The following DMD variants were observed in gnomAD, a reference collection of about 807,000 sequenced individuals.
DMD encodes the protein mutant dystrophin.
A neutral mutation model predicts 330.1 loss-of-function variants in DMD; 63 were observed. That is an observed-to-expected ratio of 0.19 (90% confidence interval 0.16 to 0.24). The LOEUF is 0.24. DMD is among the 10% of genes least tolerant of loss of function. The pLI is 1.00. For missense variants in DMD, 3,344 were observed against 2,684.1 expected, an observed-to-expected ratio of 1.25 and a Z score of -5.43; for synonymous variants, 1,223 against 959.8, an observed-to-expected ratio of 1.27 and a Z score of -5.07.
chrX:32,407,311 T>G lies in DMD; in HGVS notation c.4233+4441A>C, dbSNP rs762890545. On this transcript the variant is annotated intron_variant, in intron 30 of 78. Coordinates refer to ENST00000357033, the MANE Select transcript of DMD (RefSeq NM_004006.3). ...GCAAACAACCCCATCAACAAGTGGG[T>G]GAAGGATATGAACAGACACTTCTCA... Among the ~76,000 whole-genome samples the G allele has an allele frequency of 4.5e-5, 5 of 111,034 alleles. No individual in the cohort carries two copies. The South Asian group carries it at 1.5e-3, about 34-fold the overall frequency.
chrX:32,726,209 T>TC (rs1390701245), intron 7 of DMD, among the ~76,000 whole-genome samples: 2 of 111,503 alleles, frequency 1.8e-5, no homozygotes, highest in African/African-American at 6.5e-5. Flanking sequence ...TGAACAAATG[T>TC]CATTTTCTCT....
At chrX:32,554,583 C>T (rs1047991087) in intron 16 of DMD, among the ~76,000 whole-genome samples, 5 of 109,137 alleles carry the variant, frequency 4.6e-5, no homozygotes, top group African/African-American at 1.7e-4. Flanking sequence ...AAATGAATTG[C>T]TGAATAGATC....
rs1322750025 is a variant in DMD at position 32,844,873 on chromosome X, CAA to C, written c.187-15_187-14del. 4.2e-6 allele frequency: 5 copies of C among 1,189,056 alleles called. No homozygotes were observed. Among genetic ancestry groups the C allele is most frequent in the Middle Eastern group, 2.3e-4 (1 of 4,297 alleles). ...CTTTTTCTTTTGGCTGAGAACAAAACAAAAGAGTGTTCACTGACCAGCAGAGA... is the reference window on the plus strand; with the variant it reads ...CTTTTTCTTTTGGCTGAGAACAAAACAAGAGTGTTCACTGACCAGCAGAGA... On this transcript the variant is annotated splice_polypyrimidine_tract_variant and intron_variant, in intron 3 of 78. Transcript: ENST00000357033.
At chrX:32,857,921 T>C (rs758130033) in intron 2 of DMD, among the ~76,000 whole-genome samples, 1 of 110,382 alleles carries the variant, frequency 9.1e-6, no homozygotes, top group Non-Finnish European at 1.9e-5. Context: ...AAACTGGAGG[T>C]AACCAAAATG....
intron 59 of DMD, among the ~76,000 whole-genome samples, chrX:31,456,357 G>A (rs780593865): frequency 3.3e-4 from 37 of 112,002 alleles, no homozygotes; most frequent in Non-Finnish European, 5.6e-4. Flanking sequence ...TAGGTAATAA[G>A]TTCATCCATG....
At chrX:32,726,603 A>T (rs760785331) in intron 7 of DMD, among the ~76,000 whole-genome samples, 1 of 111,641 alleles carries the variant, frequency 9.0e-6, no homozygotes, top group Admixed American at 9.5e-5. Flanking sequence ...AACCAGTAAG[A>T]TAAAATTTAA....
intron 44 of DMD, among the ~76,000 whole-genome samples, chrX:32,088,804 A>C (rs375117617): frequency 9.1e-6 from 1 of 110,462 alleles, no homozygotes; most frequent in Non-Finnish European, 1.9e-5. Flanking sequence ...CTTTCCTTTT[A>C]CTACAGAGAA....
At chrX:31,677,844 C>G (rs1354191012) in intron 53 of DMD, among the ~76,000 whole-genome samples, 1 of 112,265 alleles carries the variant, frequency 8.9e-6, no homozygotes, top group African/African-American at 3.2e-5. Flanking sequence ...GCTAAAAGCT[C>G]ACTAATTCCA....
chrX:31,223,830 A>AT (rs1245165624), intron 63 of DMD, among the ~76,000 whole-genome samples: 1 of 112,429 alleles, frequency 8.9e-6, no homozygotes, highest in Non-Finnish European at 1.9e-5. Context: ...CATTTTGAGT[A>AT]TTTTTTATCC....
chrX:33,062,379 AT>A (rs201445716), intron 1 of DMD, among the ~76,000 whole-genome samples: 5,142 of 112,196 alleles, frequency 0.046, 277 homozygotes, highest in African/African-American at 0.15. Context: ...CACTTTGTGC[AT>A]TTAACTCTCA....
rs961970689 is a variant in DMD at position 32,389,530 on chromosome X, C to T, written c.4489G>A (p.Val1497Ile). 8.3e-7 allele frequency: 1 copy of T among 1,211,364 alleles called. No individual in the cohort carries two copies. Among genetic ancestry groups the T allele is most frequent in the East Asian group, 3.0e-5 (1 of 33,783 alleles). ...ALETKSVEQE[V>I]VQSQLNHCVN... ...CAATGATTTAGCTGTGACTGTACTA[C>T]TTCCTGTTCCACACTCTTTGTTTCC... The change falls in exon 32 of 79, where the codon GTA becomes ATA. Residue 1497 changes from valine to isoleucine, a missense_variant. Coordinates refer to ENST00000357033, the MANE Select transcript of DMD (RefSeq NM_004006.3).
At chrX:33,298,681 T>TA (rs777038431) in intron 1 of DMD, among the ~76,000 whole-genome samples, 32 of 112,106 alleles carry the variant, frequency 2.9e-4, no homozygotes, top group South Asian at 7.3e-4. Flanking sequence ...GATGGCTACA[T>TA]ACTGTAATCA....
chrX:31,836,162 A>G (rs774644243), intron 49 of DMD, among the ~76,000 whole-genome samples: 2 of 112,154 alleles, frequency 1.8e-5, no homozygotes, highest in Non-Finnish European at 3.8e-5. Flanking sequence ...AAAAAGTAGA[A>G]AGGTTTATCC....
At chrX:31,599,096 A>C (rs1486542863) in intron 55 of DMD, among the ~76,000 whole-genome samples, 2 of 112,000 alleles carry the variant, frequency 1.8e-5, no homozygotes, top group Non-Finnish European at 3.8e-5. Flanking sequence ...GGAAATGATT[A>C]AGAAGGCTGA....
intron 1 of DMD, among the ~76,000 whole-genome samples, chrX:33,191,228 T>G (rs1198662391): frequency 1.9e-5 from 2 of 105,545 alleles, no homozygotes; most frequent in Non-Finnish European, 3.9e-5. Flanking sequence ...TTACACCTGC[T>G]TTTAGAACAG....
At chrX:31,707,441 G>A (rs749542642) in intron 52 of DMD, among the ~76,000 whole-genome samples, 5 of 110,200 alleles carry the variant, frequency 4.5e-5, no homozygotes, top group Non-Finnish European at 7.6e-5. Context: ...ACATAAATAC[G>A]GGAACAATAG....
chrX:32,218,859 A>G (rs1215404950), intron 43 of DMD, among the ~76,000 whole-genome samples: 1 of 112,086 alleles, frequency 8.9e-6, no homozygotes, highest in Non-Finnish European at 1.9e-5. Context: ...ACCAGTGCAC[A>G]TGCTCTCTTG....
At chrX:32,676,240 A>G (rs1167319360) in intron 9 of DMD, among the ~76,000 whole-genome samples, 2 of 111,325 alleles carry the variant, frequency 1.8e-5, no homozygotes, top group Non-Finnish European at 3.8e-5. Flanking sequence ...AGTTGAAGCA[A>G]TAGAGCCCTT....
intron 33 of DMD, among the ~76,000 whole-genome samples, chrX:32,382,528 T>C (rs2097931449): frequency 9.0e-6 from 1 of 111,274 alleles, no homozygotes; most frequent in Non-Finnish European, 1.9e-5. Flanking sequence ...ATAAAATTCC[T>C]TATTTTCTTT....
Sources: allele counts gnomAD v4.1 joint callset (sites outside exome capture counted in the v4.1 genomes callset), GRCh38; gene constraint gnomAD v4.1.1; transcripts MANE v1.5; gene names NCBI Gene and HGNC (gene_info 2026-07-23, HGNC 2026-07-21).